USP40: variants seen among roughly 807,000 people sequenced by gnomAD.
The protein encoded by USP40 is ubiquitin specific peptidase 40, also known as ubiquitin carboxyl-terminal hydrolase 40.
Under a neutral mutation model 166.2 loss-of-function variants are expected in USP40, and 143 were observed. The ratio of observed to expected loss-of-function variants is 0.86; its 90% CI spans 0.75 to 0.99. The LOEUF is 0.99. USP40 is among the 50% of genes least tolerant of loss of function. USP40 has a pLI of 0.00. For synonymous variants in USP40, 498 were observed against 524.0 expected (o/e 0.95, Z 0.68); for missense variants, 1,444 against 1,479.7 (o/e 0.98, Z 0.40).
Position 233,565,528 on chromosome 2 carries a change from C to G in USP40, c.27G>C (p.Glu9Asp). ...ACTGATTATTAGACACAGTGGAATA[C>G]TCCTCTTCAAACAGGTCCCCAAACA... Reference protein sequence around the residue: MFGDLFEEEYSTVSNNQYG... With the variant: MFGDLFEEDYSTVSNNQYG... The change falls in exon 2 of 32, where the codon GAG becomes GAC. Residue 9 changes from glutamate to aspartate, a missense_variant. By Grantham distance (45) the Glu-to-Asp change is conservative. Transcript: ENST00000678225. The G allele has an allele frequency of 6.5e-7, 1 of 1,537,262 alleles. No individual in the cohort carries two copies. Among genetic ancestry groups the G allele is most frequent in the Non-Finnish European group, 8.7e-7 (1 of 1,146,830 alleles).
In USP40 at chr2:233,486,612, G is replaced by A. The variant is rs888900115; in HGVS notation, c.3198-635C>T. Among the ~76,000 whole-genome samples the A allele has an allele frequency of 6.6e-6, 1 of 152,178 alleles. No individual in the cohort carries two copies. The highest frequency in any genetic ancestry group is 2.1e-4 in the South Asian group (1 of 4,836). On this transcript the variant is annotated intron_variant, in intron 28 of 31. Coordinates refer to ENST00000678225, the MANE Select transcript of USP40 (RefSeq NM_001365479.2). This position sits in a 1 kb window ranked among gnomAD's most constrained non-coding sequence, Gnocchi z 4.0. ...TAGATAAGAACTGGAAGGCAGCAAG[G>A]GGAAATGAAGACTGGTTCTTAGGAT...
chr2:233,556,686 A>G (rs970592194), intron 5 of USP40, 169 bp downstream of exon 5: 2 of 505,116 alleles, frequency 4.0e-6, no homozygotes, highest in Non-Finnish European at 6.3e-6. Flanking sequence ...TACATGGAGA[A>G]ATCTGGATTA....
rs1032000739 is a variant in USP40 at position 233,486,344 on chromosome 2, C to T, written c.3198-367G>A. Among the ~76,000 whole-genome samples the T allele has an allele frequency of 1.3e-4, 20 of 152,102 alleles. No individual in the cohort carries two copies. Among genetic ancestry groups the T allele is most frequent in the South Asian group, 2.1e-4 (1 of 4,794 alleles). On this transcript the variant is annotated intron_variant, in intron 28 of 31. Coordinates refer to ENST00000678225, the MANE Select transcript of USP40 (RefSeq NM_001365479.2). The surrounding 1 kb of genome is among the most constrained non-coding windows in gnomAD (Gnocchi z 4.0). Reference sequence around the variant, plus strand: ...AGCCCGGCAGCTGGCAGGAGGAGAGCGGGCTCGAGGTAGGCAGTTATGCCC... The same window carrying T: ...AGCCCGGCAGCTGGCAGGAGGAGAGTGGGCTCGAGGTAGGCAGTTATGCCC...
chr2:233,482,999 A>AT (rs1031291354), intron 30 of USP40, among the ~76,000 whole-genome samples: 5 of 152,148 alleles, frequency 3.3e-5, no homozygotes, highest in African/African-American at 1.2e-4. Context: ...CTATTGGGTT[A>AT]TTTTTTGATA....
chr2:233,494,930 A>ATATATATATATATATTTT (rs2065601544), intron 24 of USP40, among the ~76,000 whole-genome samples: 2 of 37,634 alleles, frequency 5.3e-5, no homozygotes, highest in African/African-American at 3.6e-4. Context: ...ATATATATAT[A>ATATATATATATATATTTT]TATATATATA....
chr2:233,557,928 C>T (rs2071241508), intron 4 of USP40, among the ~76,000 whole-genome samples: 1 of 149,766 alleles, frequency 6.7e-6, no homozygotes, highest in South Asian at 2.1e-4. Context: ...CAGCAGGATG[C>T]CTTGAACCCA....
rs1236948372 is a variant in USP40, at chr2:233,486,205, G to A, written c.3198-228C>T. Among the ~76,000 whole-genome samples, 1 of 152,068 alleles carries A rather than the reference G, an allele frequency of 6.6e-6. No individual in the cohort carries two copies. The highest frequency in any genetic ancestry group is 2.4e-5 in the African/African-American group (1 of 41,394). On this transcript the variant is annotated intron_variant, in intron 28 of 31. Transcript: ENST00000678225. The surrounding 1 kb of genome is among the most constrained non-coding windows in gnomAD (Gnocchi z 4.0). Reference sequence around the variant, plus strand: ...GATCCCATTCTCGGTACACAGCAGAGCCCCCCCAGACGTGGTAGGGAACTT... The same window carrying A: ...GATCCCATTCTCGGTACACAGCAGAACCCCCCCAGACGTGGTAGGGAACTT...
intron 2 of USP40, among the ~76,000 whole-genome samples, chr2:233,564,871 A>G (rs1322462551): frequency 6.6e-6 from 1 of 152,174 alleles, no homozygotes; most frequent in African/African-American, 2.4e-5. Context: ...AAACAAGCTC[A>G]GGTGAGATCA....
chr2:233,494,752 G>A (rs1467352751), intron 24 of USP40, among the ~76,000 whole-genome samples: 1 of 146,308 alleles, frequency 6.8e-6, no homozygotes, highest in Admixed American at 6.9e-5. Context: ...CCCAGCCCAG[G>A]AGATCGAGCT....
At chr2:233,518,520 T>C (rs2067415652) in intron 18 of USP40, among the ~76,000 whole-genome samples, 1 of 143,910 alleles carries the variant, frequency 6.9e-6, no homozygotes, top group Non-Finnish European at 1.5e-5. Context: ...TGAGCGGAGA[T>C]CGTGTCACTG....
intron 18 of USP40, among the ~76,000 whole-genome samples, chr2:233,514,205 C>T (rs1234385789): frequency 6.6e-6 from 1 of 152,132 alleles, no homozygotes; most frequent in South Asian, 2.1e-4. Flanking sequence ...CCTCACAGAA[C>T]CTTGTCTAAT....
intron 23 of USP40, among the ~76,000 whole-genome samples, chr2:233,497,322 A>G (rs900006261): frequency 6.6e-6 from 1 of 152,214 alleles, no homozygotes; most frequent in African/African-American, 2.4e-5. Flanking sequence ...GAATAGAAAT[A>G]AAGGAGCCAC....
At chr2:233,526,214 A>G (rs1015470780) in intron 13 of USP40, among the ~76,000 whole-genome samples, 40 of 152,192 alleles carry the variant, frequency 2.6e-4, no homozygotes, top group African/African-American at 8.9e-4. Context: ...CTGTGAATTA[A>G]GTTTTCTAGC....
At chr2:233,509,454 A>AT (rs776360952) in intron 21 of USP40, among the ~76,000 whole-genome samples, 1 of 152,100 alleles carries the variant, frequency 6.6e-6, no homozygotes, top group Non-Finnish European at 1.5e-5. Context: ...ATAGGTTTTC[A>AT]TTTTTTTCTT....
intron 8 of USP40, among the ~76,000 whole-genome samples, chr2:233,548,574 G>T (rs993534041): frequency 2.0e-5 from 3 of 152,138 alleles, no homozygotes; most frequent in Non-Finnish European, 4.4e-5. Flanking sequence ...CACTGGATTT[G>T]ACACTAGAGT....
intron 7 of USP40, among the ~76,000 whole-genome samples, chr2:233,551,078 C>A (rs2070506335): frequency 1.3e-5 from 2 of 152,210 alleles, no homozygotes; most frequent in African/African-American, 2.4e-5. Context: ...CAGGGTCAAT[C>A]TTGCCCACGC....
Position 233,524,034 on chromosome 2 carries a change from G to C in USP40, c.1881+458C>G, listed in dbSNP as rs188021208. 5.9e-5 allele frequency among the ~76,000 whole-genome samples: 9 copies of C among 152,282 alleles called. No homozygotes were observed. The East Asian group carries it at 1.7e-3, about 29-fold the overall frequency. ...GAGGCGCTCAAGAAATGTCTCCTTG[G>C]CGTACAACTAGCACTGATTGTCCCT... On this transcript the variant is annotated intron_variant, in intron 15 of 31. Transcript: ENST00000678225.
At position 233,498,605 on chromosome 2, in the gene USP40, G is replaced by C; in HGVS notation, c.2658C>G (p.Ala886=). ...ACCAATCCATTTTTCGTAAATGCCA[G>C]GCATCTCCTATAAAGGAGTCAAAAT... ...MLKKSGLQGD[A]WHLRKMDWCY... is the part of the protein sequence containing the mutation. The change falls in exon 23 of 32, where the codon GCC becomes GCG. Residue 886 remains alanine, a synonymous_variant. Coordinates refer to ENST00000678225, the MANE Select transcript of USP40 (RefSeq NM_001365479.2). The C allele has an allele frequency of 1.2e-6, 2 of 1,613,238 alleles. No individual in the cohort carries two copies. Among genetic ancestry groups the C allele is most frequent in the South Asian group, 1.1e-5 (1 of 90,990 alleles).
intron 21 of USP40, among the ~76,000 whole-genome samples, chr2:233,502,441 A>G (rs2066135239): frequency 6.6e-6 from 1 of 152,194 alleles, no homozygotes; most frequent in East Asian, 1.9e-4. Flanking sequence ...AAAAATCTAA[A>G]TATGAAATGC....
Sources: gnomAD v4.1 joint callset for allele counts (sites outside exome capture counted in the v4.1 genomes callset) on GRCh38, gnomAD v4.1.1 for gene constraint, Gnocchi (gnomAD v3.1) non-coding constraint, MANE v1.5 for transcripts, NCBI Gene and HGNC (gene_info 2026-07-23, HGNC 2026-07-21) for gene names.